Variants in TRPM2 observed in about 807,000 individuals in gnomAD.
TRPM2 encodes the protein transient receptor potential cation channel subfamily M member 2.
In TRPM2, 161 loss-of-function variants were observed where a neutral mutation model predicts 174.0. The observed-to-expected ratio is 0.93, with a 90% confidence interval of 0.81 to 1.05. The LOEUF (loss-of-function observed/expected upper bound fraction) is 1.05, where lower values mean the gene tolerates loss of function less well. TRPM2 is among the 50% of genes least tolerant of loss of function. The probability of loss-of-function intolerance (pLI) is 0.00; values close to 1 mark genes in which losing one functional copy is unlikely to be tolerated. For synonymous variants in TRPM2, 954 were observed against 861.3 expected, an observed-to-expected ratio of 1.11 and a Z score of -1.88; for missense variants, 2,057 against 2,038.0, an observed-to-expected ratio of 1.01 and a Z score of -0.18.
In TRPM2 at chr21:44,354,648, C is replaced by G; in HGVS notation, c.166C>G (p.Gln56Glu). 6.2e-7 allele frequency: 1 copy of G among 1,613,902 alleles called. No individual in the cohort carries two copies. Residue 56 changes from glutamine (Q) to glutamate (E), a missense_variant and splice_region_variant, in exon 2 of 32, where the codon CAA (glutamine) becomes GAA (glutamate). Gln to Glu is a conservative substitution (Grantham distance 29). Transcript: ENST00000397928. This position sits in a 1 kb window ranked among gnomAD's most constrained non-coding sequence, Gnocchi z 4.3. ...CTCAGTGTGCTGTCTTTACCTTCAG[C>G]AAGAAAGCCTCAGTTCGTGGATTCC... Reference protein sequence around the residue: ...LQCPFGNNDKQESLSSWIPEN... With the variant: ...LQCPFGNNDKEESLSSWIPEN...
In TRPM2 at chr21:44,369,295, C is replaced by G. The variant is rs1210779866; in HGVS notation, c.723C>G (p.Val241=). Residue 241 remains valine (V), a synonymous_variant, in exon 5 of 32, where the codon GTC becomes GTG. Coordinates refer to ENST00000397928, the MANE Select transcript of TRPM2 (RefSeq NM_003307.4). ...AAGGCGAGCTCATCACCATCGGAGT[C>G]GCCACCTGGGGCACTGTCCACCGCC... ...YKEGELITIG[V]ATWGTVHRRE... 2 of 1,613,686 alleles carry G rather than the reference C, an allele frequency of 1.2e-6. No homozygotes were observed. Among genetic ancestry groups the G allele is most frequent in the Non-Finnish European group, 1.7e-6 (2 of 1,179,860 alleles).
intron 12 of TRPM2, among the ~76,000 whole-genome samples, chr21:44,397,521 C>T (rs985683154): frequency 6.6e-5 from 10 of 152,180 alleles, no homozygotes; most frequent in Non-Finnish European, 1.5e-5. Context: ...GCAGGGCAAG[C>T]AGACCCCTCC....
At chr21:44,425,886 C>A in intron 25 of TRPM2, 59 bp downstream of exon 25, 1 of 1,444,470 alleles carries the variant, frequency 6.9e-7, no homozygotes, top group Non-Finnish European at 9.2e-7. Flanking sequence ...GAGGGGAGGG[C>A]GGCCCTGTCC....
At chr21:44,413,197 G>T (rs2050159974) in intron 19 of TRPM2, among the ~76,000 whole-genome samples, 1 of 149,222 alleles carries the variant, frequency 6.7e-6, no homozygotes, top group South Asian at 2.1e-4. Flanking sequence ...CTTCTCTTTG[G>T]GATAGTTGTT....
rs1288923105 is a variant in TRPM2, at chr21:44,369,229, C to T, written c.657C>T (p.Gly219=). 1 of 1,613,546 alleles carries T rather than the reference C, an allele frequency of 6.2e-7. No individual in the cohort carries two copies. Among genetic ancestry groups the T allele is most frequent in the Non-Finnish European group, 8.5e-7 (1 of 1,179,866 alleles). The change falls in exon 5 of 32, where the codon GGC becomes GGT. Residue 219 remains glycine (G), a synonymous_variant. Transcript: ENST00000397928. The part of the protein sequence containing the change: ...GSHTGVMKQV[G]EAVRDFSLSS... Reference sequence around the variant, plus strand: ...ACACCGGCGTCATGAAGCAGGTAGGCGAGGCGGTGCGGGACTTCAGCCTGA... The same window carrying T: ...ACACCGGCGTCATGAAGCAGGTAGGTGAGGCGGTGCGGGACTTCAGCCTGA...
intron 18 of TRPM2, 142 bp downstream of exon 18, chr21:44,406,179 C>T: frequency 9.3e-7 from 1 of 1,073,638 alleles, no homozygotes; most frequent in Non-Finnish European, 1.3e-6. Flanking sequence ...CTTGGGCTCC[C>T]AAGAATGCCC....
intron 19 of TRPM2, among the ~76,000 whole-genome samples, chr21:44,407,278 A>G (rs1785443): frequency 0.71 from 100,439 of 142,304 alleles, 36,084 homozygotes; most frequent in East Asian, 0.78. Context: ...TGTGCACGCC[A>G]ACACACCCGG....
intron 19 of TRPM2, among the ~76,000 whole-genome samples, chr21:44,410,979 C>T (rs1050915355): frequency 1.1e-4 from 16 of 149,772 alleles, no homozygotes; most frequent in African/African-American, 3.9e-4. Flanking sequence ...GTTTTGACCA[C>T]ACTGTCTTGG....
Position 44,427,141 on chromosome 21 carries a change from G to A in TRPM2, c.3974+30G>A, listed in dbSNP as rs374484652. ...GTGTGCCCCCTGCGGGCCCCGCCCCGTCAGCCTTTGGGGTTTGCCTGGGGG... is the reference window on the plus strand; with the variant it reads ...GTGTGCCCCCTGCGGGCCCCGCCCCATCAGCCTTTGGGGTTTGCCTGGGGG... On this transcript the variant is annotated intron_variant, in intron 27 of 31. Coordinates refer to ENST00000397928, the MANE Select transcript of TRPM2 (RefSeq NM_003307.4). 205 of 1,537,266 alleles carry A rather than the reference G, an allele frequency of 1.3e-4. No homozygotes were observed. In the East Asian group the frequency reaches 1.4e-3, roughly 11 times the overall value.
chr21:44,433,097 G>A lies in TRPM2; in HGVS notation c.3975-2034G>A, dbSNP rs560727886. On this transcript the variant is annotated intron_variant, in intron 27 of 31. Coordinates refer to ENST00000397928, the MANE Select transcript of TRPM2 (RefSeq NM_003307.4). Reference sequence around the variant, plus strand: ...GTCCGAAGCCCCTGCTGCCCGGCCCGCTCAGGCTGACTGAGAAGCAAGGGT... The same window carrying A: ...GTCCGAAGCCCCTGCTGCCCGGCCCACTCAGGCTGACTGAGAAGCAAGGGT... Among the ~76,000 whole-genome samples, 34 of 152,294 alleles carry A rather than the reference G, an allele frequency of 2.2e-4. No homozygotes were observed. The South Asian group carries it at 5.8e-3, about 26-fold the overall frequency.
intron 9 of TRPM2, among the ~76,000 whole-genome samples, chr21:44,383,328 G>T (rs990387689): frequency 6.6e-6 from 1 of 152,176 alleles, no homozygotes; most frequent in Non-Finnish European, 1.5e-5. Context: ...GAAGGCTTAT[G>T]CCTCTTTGTC....
At chr21:44,394,343 G>A (rs1396320356) in intron 11 of TRPM2, among the ~76,000 whole-genome samples, 1 of 117,544 alleles carries the variant, frequency 8.5e-6, no homozygotes, top group Non-Finnish European at 1.7e-5. Context: ...TTTTTGAGAT[G>A]GAGTCTTGCT....
At chr21:44,431,973 C>A (rs571347177) in intron 27 of TRPM2, among the ~76,000 whole-genome samples, 1 of 152,286 alleles carries the variant, frequency 6.6e-6, no homozygotes, top group East Asian at 1.9e-4. Context: ...TAACCCTAAT[C>A]CTAACCCCTA....
At chr21:44,360,146 A>G (rs1318961701) in intron 2 of TRPM2, among the ~76,000 whole-genome samples, 1 of 152,234 alleles carries the variant, frequency 6.6e-6, no homozygotes, top group Non-Finnish European at 1.5e-5. Flanking sequence ...ACATAAATTT[A>G]TCTCTTCTTG....
chr21:44,435,088 C>G (rs1237436152), intron 27 of TRPM2, 43 bp from the exon 28 acceptor site: 4 of 1,588,264 alleles, frequency 2.5e-6, no homozygotes, highest in Non-Finnish European at 2.6e-6. Context: ...TCCTGCTCCC[C>G]CATTGGTGGA....
At chr21:44,406,544 T>A (rs761881998) in intron 18 of TRPM2, 50 bp from the exon 19 acceptor site, 16 of 1,559,244 alleles carry the variant, frequency 1.0e-5, no homozygotes, top group Admixed American at 3.8e-5. Context: ...CTGGGCCCAG[T>A]GAGCATCGGG....
intron 8 of TRPM2, among the ~76,000 whole-genome samples, chr21:44,381,940 TGATAGATAGATGGATAGATA>T (rs1413013872): frequency 2.2e-4 from 29 of 131,266 alleles, no homozygotes; most frequent in South Asian, 5.1e-4. Context: ...TGAATTGATA[TGATAGATAGATGGATAGATA>T]GATAGATAGA....
intron 27 of TRPM2, among the ~76,000 whole-genome samples, chr21:44,428,892 C>CCAGT (rs2050929421): frequency 6.6e-6 from 1 of 152,254 alleles, no homozygotes; most frequent in Non-Finnish European, 1.5e-5. Context: ...TGCCTCTGTC[C>CCAGT]CAGTCATCTC....
chr21:44,361,068 T>C (rs549302179), intron 2 of TRPM2, among the ~76,000 whole-genome samples: 3 of 152,344 alleles, frequency 2.0e-5, no homozygotes, highest in African/African-American at 7.2e-5. Context: ...AATGGAATCA[T>C]ACGCTACATG....
Sources: allele counts gnomAD v4.1 joint callset (sites outside exome capture counted in the v4.1 genomes callset), GRCh38; gene constraint gnomAD v4.1.1; non-coding constraint Gnocchi (gnomAD v3.1); transcripts MANE v1.5; gene names NCBI Gene and HGNC (gene_info 2026-07-23, HGNC 2026-07-21).